THRB: variants seen among roughly 807,000 people sequenced by gnomAD.
THRB encodes the protein thyroid hormone receptor beta.
THRB carries 12 observed loss-of-function variants against 47.8 expected under a neutral mutation model. The observed-to-expected ratio is 0.25, with a 90% CI of 0.16 to 0.41. The LOEUF (loss-of-function observed/expected upper bound fraction) is 0.41, where lower values mean the gene tolerates loss of function less well. Ranked by LOEUF, THRB falls within the 10% of genes least tolerant of loss-of-function variation. THRB has a pLI of 1.00. For missense variants in THRB, 348 were observed against 589.2 expected, an observed-to-expected ratio of 0.59 and a Z score of 4.24; for synonymous variants, 218 against 212.2, an observed-to-expected ratio of 1.03 and a Z score of -0.24.
chr3:24,121,747 G>A lies in THRB; in HGVS notation c.*1137C>T, dbSNP rs916864464. On this transcript the variant is annotated 3_prime_UTR_variant, in exon 11 of 11. Coordinates refer to ENST00000646209, the MANE Select transcript of THRB (RefSeq NM_001354712.2). ...GAGTCAGAGGGAAAAAGGGGACTAG[G>A]AGACATTTGTCAATGAGGCAAGGAG... 1 of 152,322 alleles carries A rather than the reference G, an allele frequency of 6.6e-6. No homozygotes were observed. The highest frequency in any genetic ancestry group is 1.5e-5 in the Non-Finnish European group (1 of 68,098). The allele number at this position is 152,322 out of a possible 1,614,324, so 9.4% of individuals were successfully genotyped here.
rs138716194 is a variant in THRB at position 24,259,846 on chromosome 3, GATTA to G, written c.-42-30849_-42-30846del. Among the ~76,000 whole-genome samples, 989 of 152,090 alleles carry G rather than the reference GATTA, an allele frequency of 6.5e-3. 13 individuals are homozygous for G. The highest frequency in any genetic ancestry group is 0.02 in the African/African-American group (834 of 41,482). ...GTCCTTGTTTTCATCTATACAAATA[GATTA>G]ATTAAATGTGTGTGTGTGTATGTAA... On this transcript the variant is annotated intron_variant, in intron 3 of 10. Coordinates refer to ENST00000646209, the MANE Select transcript of THRB (RefSeq NM_001354712.2).
At chr3:24,285,483 G>T (rs1661714270) in intron 3 of THRB, among the ~76,000 whole-genome samples, 1 of 150,290 alleles carries the variant, frequency 6.7e-6, no homozygotes, top group African/African-American at 2.5e-5. Context: ...CCTAATGCTA[G>T]AGGACGAGTT....
At chr3:24,374,876 A>G (rs1052463808) in intron 1 of THRB, among the ~76,000 whole-genome samples, 1 of 152,118 alleles carries the variant, frequency 6.6e-6, no homozygotes, top group Non-Finnish European at 1.5e-5. Context: ...ATGCAGGCAG[A>G]GATGGAAAAT....
intron 3 of THRB, among the ~76,000 whole-genome samples, chr3:24,290,978 G>A (rs747892619): frequency 2.8e-4 from 43 of 152,178 alleles, no homozygotes; most frequent in Non-Finnish European, 5.6e-4. Flanking sequence ...CAGATCAACA[G>A]AGCCCAGGCT....
chr3:24,453,696 T>C (rs1195122362), intron 1 of THRB, among the ~76,000 whole-genome samples: 1 of 152,208 alleles, frequency 6.6e-6, no homozygotes, highest in Non-Finnish European at 1.5e-5. Flanking sequence ...TGAATGAAAT[T>C]CAAACTCCTT....
At chr3:24,367,714 T>A (rs970746376) in intron 1 of THRB, among the ~76,000 whole-genome samples, 1 of 152,216 alleles carries the variant, frequency 6.6e-6, no homozygotes, top group Non-Finnish European at 1.5e-5. Flanking sequence ...TCAGTTAGGC[T>A]GGATACTCTA....
intron 1 of THRB, among the ~76,000 whole-genome samples, chr3:24,369,732 G>A (rs955773926): frequency 7.2e-5 from 11 of 152,116 alleles, no homozygotes; most frequent in African/African-American, 2.7e-4. Flanking sequence ...GAATATTCTA[G>A]GTTGTCACAC....
intron 1 of THRB, among the ~76,000 whole-genome samples, chr3:24,435,629 G>C (rs1160239299): frequency 6.6e-6 from 1 of 152,148 alleles, no homozygotes; most frequent in Non-Finnish European, 1.5e-5. Flanking sequence ...GAAACCAAAG[G>C]GAATGGAAGC....
At chr3:24,450,123 T>A (rs925997086) in intron 1 of THRB, among the ~76,000 whole-genome samples, 1 of 152,304 alleles carries the variant, frequency 6.6e-6, no homozygotes, top group African/African-American at 2.4e-5. Context: ...ATATTTAAGA[T>A]TCTTATTTTA....
chr3:24,445,599 T>A (rs2071989107), intron 1 of THRB, among the ~76,000 whole-genome samples: 1 of 152,146 alleles, frequency 6.6e-6, no homozygotes, highest in Non-Finnish European at 1.5e-5. Flanking sequence ...CATTCAAAAT[T>A]TTTAAAATTT....
intron 2 of THRB, among the ~76,000 whole-genome samples, chr3:24,302,901 TGGC>T (rs2057052006): frequency 6.6e-6 from 1 of 152,244 alleles, no homozygotes; most frequent in East Asian, 1.9e-4. Flanking sequence ...GTTGAACGAA[TGGC>T]TATAAAGAAG....
At chr3:24,298,150 A>G (rs558733031) in intron 2 of THRB, among the ~76,000 whole-genome samples, 47 of 152,288 alleles carry the variant, frequency 3.1e-4, no homozygotes, top group Admixed American at 7.2e-4. Flanking sequence ...TACATAGAGG[A>G]TATTTATTTA....
chr3:24,220,002 G>T lies in THRB; in HGVS notation c.22+8936C>A, dbSNP rs532692856. Among the ~76,000 whole-genome samples, 9 of 152,280 alleles carry T rather than the reference G, an allele frequency of 5.9e-5. No homozygotes were observed. The South Asian group carries it at 1.5e-3, about 25-fold the overall frequency. ...CAATTAATTGGAATCTCTAGGGGTGGGGCCCAGACACTGGTATTTTTTAAC... is the reference window on the plus strand; with the variant it reads ...CAATTAATTGGAATCTCTAGGGGTGTGGCCCAGACACTGGTATTTTTTAAC... On this transcript the variant is annotated intron_variant, in intron 4 of 10. Transcript: ENST00000646209.
intron 1 of THRB, among the ~76,000 whole-genome samples, chr3:24,470,942 C>T (rs938618864): frequency 1.6e-4 from 25 of 152,316 alleles, no homozygotes; most frequent in African/African-American, 4.8e-4. Context: ...GACACTTCAA[C>T]ATGTCAATCT....
At chr3:24,154,668 A>T (rs2037527028) in intron 5 of THRB, among the ~76,000 whole-genome samples, 1 of 152,216 alleles carries the variant, frequency 6.6e-6, no homozygotes, top group Admixed American at 6.5e-5. Context: ...ACCTACTTAT[A>T]AAACACAAAG....
rs565118947 is a variant in THRB at position 24,481,059 on chromosome 3, G to GT, written c.-261+13592dup. On this transcript the variant is annotated intron_variant, in intron 1 of 10. Coordinates refer to ENST00000646209, the MANE Select transcript of THRB (RefSeq NM_001354712.2). ...CTGCCAAGCTCTGGGTCTTTTTGCC[G>GT]TAAGCCATTCTTAAGCAAGTTTCCT... Among the ~76,000 whole-genome samples, 29 of 152,184 alleles carry GT rather than the reference G, an allele frequency of 1.9e-4. No individual in the cohort carries two copies. In the East Asian group the frequency reaches 5.2e-3, roughly 27 times the overall value.
chr3:24,339,468 C>T (rs769496221), intron 1 of THRB, among the ~76,000 whole-genome samples: 4 of 152,124 alleles, frequency 2.6e-5, no homozygotes, highest in Admixed American at 6.5e-5. Context: ...AGCCAAGAAT[C>T]GCACCCAGGC....
At position 24,236,705 on chromosome 3, in the gene THRB, T is replaced by A. The variant is rs957229938; in HGVS notation, c.-42-7704A>T. Among the ~76,000 whole-genome samples the A allele has an allele frequency of 2.0e-5, 3 of 152,230 alleles. No individual in the cohort carries two copies. The East Asian group carries it at 5.8e-4, about 29-fold the overall frequency. On this transcript the variant is annotated intron_variant, in intron 3 of 10. Coordinates refer to ENST00000646209, the MANE Select transcript of THRB (RefSeq NM_001354712.2). Reference sequence around the variant, plus strand: ...AAGGCTGAATTTTTGTGAAAAAAAATTTTTCCCTTTCAAGGTTACTTTGCA... The same window carrying A: ...AAGGCTGAATTTTTGTGAAAAAAAAATTTTCCCTTTCAAGGTTACTTTGCA...
rs761953487 is a variant in THRB, at chr3:24,190,296, G to C, written c.61C>G (p.Pro21Ala). The C allele has an allele frequency of 1.9e-6, 3 of 1,614,106 alleles. No individual in the cohort carries two copies. The highest frequency in any genetic ancestry group is 2.5e-6 in the Non-Finnish European group (3 of 1,179,950). The change falls in exon 5 of 11, where the codon CCA becomes GCA. Residue 21 changes from proline to alanine, a missense_variant. Around this residue, in one of 5 missense-constraint regions of THRB, gnomAD observed 148 missense variants for 122.3 expected, o/e 1.21. Coordinates refer to ENST00000646209, the MANE Select transcript of THRB (RefSeq NM_001354712.2). ...LTAWDKPKHC[P>A]DREHDWKLVG... ...AGCTTCCAGTCGTGTTCTCGGTCTGGACAGTGCTTCGGTTTGTCCCAGGCT... is the reference window on the plus strand; with the variant it reads ...AGCTTCCAGTCGTGTTCTCGGTCTGCACAGTGCTTCGGTTTGTCCCAGGCT...
Sources: gnomAD v4.1 joint callset for allele counts (sites outside exome capture counted in the v4.1 genomes callset) on GRCh38, gnomAD v4.1.1 for gene constraint, gnomAD v4.1.1 regional missense constraint, MANE v1.5 for transcripts, NCBI Gene and HGNC (gene_info 2026-07-23, HGNC 2026-07-21) for gene names.